HNRNPLL: variants seen among roughly 807,000 people sequenced by gnomAD.
The protein encoded by HNRNPLL is heterogeneous nuclear ribonucleoprotein L-like.
Under a neutral mutation model 67.1 loss-of-function variants are expected in HNRNPLL, and 25 were observed. The observed-to-expected ratio is 0.37, with a 90% CI of 0.27 to 0.52. The LOEUF (loss-of-function observed/expected upper bound fraction) is 0.52. Ranked by LOEUF, HNRNPLL falls within the 20% of genes least tolerant of loss-of-function variation. HNRNPLL has a pLI of 0.90. For synonymous variants in HNRNPLL, 267 were observed against 241.7 expected, an observed-to-expected ratio of 1.10 and a Z score of -0.97; for missense variants, 542 against 673.9, an observed-to-expected ratio of 0.80 and a Z score of 2.17.
At chr2:38,595,703 G>A (rs1667157820) in intron 1 of HNRNPLL, among the ~76,000 whole-genome samples, 5 of 152,150 alleles carry the variant, frequency 3.3e-5, no homozygotes, top group Admixed American at 3.3e-4. Context: ...AATTAGCCGG[G>A]CGTGGTGGCG....
At chr2:38,593,720 C>G in intron 1 of HNRNPLL, among the ~76,000 whole-genome samples, 1 of 152,090 alleles carries the variant, frequency 6.6e-6, no homozygotes. Context: ...AACTCCGTCT[C>G]TGGTGTGGTG....
At chr2:38,590,358 A>G (rs1351160004) in intron 2 of HNRNPLL, among the ~76,000 whole-genome samples, 1 of 152,228 alleles carries the variant, frequency 6.6e-6, no homozygotes, top group African/African-American at 2.4e-5. Flanking sequence ...ATGAATTTTT[A>G]TAAAATTGAA....
At chr2:38,577,562 C>A in intron 6 of HNRNPLL, 30 bp from the exon 7 acceptor site, 1 of 1,414,686 alleles carries the variant, frequency 7.1e-7, no homozygotes, top group South Asian at 1.1e-5. Flanking sequence ...ATGGTTTTAA[C>A]AATTTTGACC....
intron 1 of HNRNPLL, among the ~76,000 whole-genome samples, chr2:38,600,349 T>TA (rs1667377524): frequency 6.6e-6 from 1 of 152,162 alleles, no homozygotes; most frequent in African/African-American, 2.4e-5. Context: ...TAGCTTCGGT[T>TA]AAAAAAGGCA....
chr2:38,585,826 C>T lies in HNRNPLL; in HGVS notation c.364G>A (p.Asp122Asn). 1 of 1,613,978 alleles carries T rather than the reference C, an allele frequency of 6.2e-7. No individual in the cohort carries two copies. The highest frequency in any genetic ancestry group is 8.5e-7 in the Non-Finnish European group (1 of 1,179,908). Residue 122 changes from aspartate to asparagine, a missense_variant, in exon 3 of 13, where the codon GAT becomes AAT. Around this residue, in one of 2 missense-constraint regions of HNRNPLL, gnomAD observed 415 missense variants for 575.2 expected, o/e 0.72. Transcript: ENST00000449105. ...AATGTCACACATTCTTTGGCACTATCTATGTTTTCAAATTCCACTAGAGCC... is the reference window on the plus strand; with the variant it reads ...AATGTCACACATTCTTTGGCACTATTTATGTTTTCAAATTCCACTAGAGCC... ...RQALVEFENI[D>N]SAKECVTFAA...
chr2:38,570,084 T>C (rs1003779507), intron 8 of HNRNPLL, among the ~76,000 whole-genome samples, 159 bp from the exon 9 acceptor site: 7 of 152,198 alleles, frequency 4.6e-5, no homozygotes, highest in African/African-American at 1.7e-4. Context: ...TTAACTCTTA[T>C]CAAAGTTCAA....
chr2:38,599,797 G>A (rs1229283978), intron 1 of HNRNPLL: 2 of 445,030 alleles, frequency 4.5e-6, no homozygotes, highest in Non-Finnish European at 9.2e-6. Context: ...AGCACTCAAG[G>A]TTAATCATAA....
rs200356084 is a variant in HNRNPLL, at chr2:38,565,727, CAAAAAAAAAA to C, written c.1574-1500_1574-1491del. On this transcript the variant is annotated intron_variant, in intron 12 of 12. Transcript: ENST00000449105. ...CTAGGAGATGAGCAAGACCCTGTCT[CAAAAAAAAAA>C]AAAAAAAAAAAAAAAAAGGTGTTTC... 3.4e-4 allele frequency among the ~76,000 whole-genome samples: 25 copies of C among 73,282 alleles called. 1 individual carries two copies. Among genetic ancestry groups the C allele is most frequent in the Admixed American group, 1.4e-4 (1 of 7,100 alleles). The allele number at this position is 73,282 out of a possible 152,430, so 48.1% of individuals were successfully genotyped here. A position where few individuals can be genotyped will look rare whatever the true frequency, so the allele number is the denominator to read the frequency against.
chr2:38,602,736 T>C lies in HNRNPLL; in HGVS notation c.-110A>G, dbSNP rs2148399139. 1 of 1,490,798 alleles carries C rather than the reference T, an allele frequency of 6.7e-7. No individual in the cohort carries two copies. The highest frequency in any genetic ancestry group is 8.9e-7 in the Non-Finnish European group (1 of 1,119,694). 92.3% of individuals were successfully genotyped at this position (1,490,798 alleles called of 1,614,324 possible). A position where few individuals can be genotyped will look rare whatever the true frequency, so the allele number is the denominator to read the frequency against. On this transcript the variant is annotated 5_prime_UTR_variant, in exon 1 of 13. Coordinates refer to ENST00000449105, the MANE Select transcript of HNRNPLL (RefSeq NM_138394.4). ...GCCGGCAGCGCCTCTTCTGCGAGGG[T>C]CTCCGCGGCCCGGCCGTCCGCGGGG...
intron 8 of HNRNPLL, among the ~76,000 whole-genome samples, chr2:38,572,700 A>C (rs1314871754): frequency 6.6e-6 from 1 of 152,104 alleles, no homozygotes; most frequent in Non-Finnish European, 1.5e-5. Flanking sequence ...ACATTTTATC[A>C]AAGTGGGTCA....
At position 38,589,796 on chromosome 2, in the gene HNRNPLL, ATATT is replaced by A. The variant is rs137855449; in HGVS notation, c.308+1730_308+1733del. On this transcript the variant is annotated intron_variant, in intron 2 of 12. Transcript: ENST00000449105. ...TCACTGCTTCCCAAAGTTTCCATTT[ATATT>A]TGCTCATCAACTTGTTTTCTGACAT... Among the ~76,000 whole-genome samples, 995 of 152,334 alleles carry A rather than the reference ATATT, an allele frequency of 6.5e-3. 14 individuals are homozygous for A. Among genetic ancestry groups the A allele is most frequent in the African/African-American group, 0.023 (952 of 41,568 alleles).
rs554677013 is a variant in HNRNPLL, at chr2:38,602,060, T to C, written c.189+378A>G. 9.6e-4 allele frequency: 230 copies of C among 239,830 alleles called. 1 individual carries two copies. Among genetic ancestry groups the C allele is most frequent in the African/African-American group, 3.4e-3 (146 of 42,556 alleles). 14.9% of individuals were successfully genotyped at this position (239,830 alleles called of 1,614,324 possible). ...GCGCGGCTGCTGCGGGCAGAGGGAC[T>C]GAAGAGAACCGGTGGTCCCGACGCT... On this transcript the variant is annotated intron_variant, in intron 1 of 12. Transcript: ENST00000449105.
rs200327825 is a variant in HNRNPLL at position 38,602,858 on chromosome 2, G to C, written c.-232C>G. 3.2e-6 allele frequency: 5 copies of C among 1,549,200 alleles called. No individual in the cohort carries two copies. Among genetic ancestry groups the C allele is most frequent in the Non-Finnish European group, 4.4e-6 (5 of 1,146,306 alleles). On this transcript the variant is annotated 5_prime_UTR_variant, in exon 1 of 13. Coordinates refer to ENST00000449105, the MANE Select transcript of HNRNPLL (RefSeq NM_138394.4). ...GGAGCGGCCGCTCCTCTCAATTACC[G>C]AGCCAACATTCAGCCTCTCCCTCCT...
At chr2:38,597,116 A>G (rs1282627598) in intron 1 of HNRNPLL, among the ~76,000 whole-genome samples, 1 of 152,270 alleles carries the variant, frequency 6.6e-6, no homozygotes, top group Non-Finnish European at 1.5e-5. Context: ...ATTAAGGACT[A>G]AACTCTACTG....
At position 38,562,800 on chromosome 2, in the gene HNRNPLL, G is replaced by C. The variant is rs1358460398; in HGVS notation, c.*1382C>G. The C allele has an allele frequency of 1.3e-5, 2 of 152,038 alleles. No homozygotes were observed. The highest frequency in any genetic ancestry group is 2.4e-5 in the African/African-American group (1 of 41,434). The allele number at this position is 152,038 out of a possible 1,614,324, so 9.4% of individuals were successfully genotyped here. A position where few individuals can be genotyped will look rare whatever the true frequency, so the allele number is the denominator to read the frequency against. ...TGAGGGGAAATAAATGTTAATGTGT[G>C]TTTAGTTTCCATCTAAACTTCCTAT... On this transcript the variant is annotated 3_prime_UTR_variant, in exon 13 of 13. Coordinates refer to ENST00000449105, the MANE Select transcript of HNRNPLL (RefSeq NM_138394.4).
chr2:38,598,550 AAT>A (rs1289655499), intron 1 of HNRNPLL, among the ~76,000 whole-genome samples: 2 of 152,268 alleles, frequency 1.3e-5, no homozygotes, highest in African/African-American at 4.8e-5. Flanking sequence ...CAAAAAAAGC[AAT>A]ATATGATGTA....
rs576395866 is a variant in HNRNPLL, at chr2:38,579,389, CCCTAAA to C, written c.803-1863_803-1858del. Among the ~76,000 whole-genome samples, 72 of 151,370 alleles carry C rather than the reference CCCTAAA, an allele frequency of 4.8e-4. 4 individuals carry two copies. The East Asian group carries it at 0.014, about 29-fold the overall frequency. On this transcript the variant is annotated intron_variant, in intron 6 of 12. Coordinates refer to ENST00000449105, the MANE Select transcript of HNRNPLL (RefSeq NM_138394.4). ...CTAACCTGCACATTGTGCACATGTACCCTAAAACTTAAAGTATAATAATAATAAAAT... is the reference window on the plus strand; with the variant it reads ...CTAACCTGCACATTGTGCACATGTACACTTAAAGTATAATAATAATAAAAT...
chr2:38,566,145 G>T, intron 12 of HNRNPLL: 5 of 928,190 alleles, frequency 5.4e-6, no homozygotes, highest in Non-Finnish European at 6.4e-6. Context: ...GAGGTGGGCA[G>T]ATCATGAGGT....
chr2:38,569,308 G>A lies in HNRNPLL; in HGVS notation c.1241C>T (p.Pro414Leu). The change falls in exon 10 of 13, where the codon CCA becomes CTA. Residue 414 changes from proline to leucine, a missense_variant. Coordinates refer to ENST00000449105, the MANE Select transcript of HNRNPLL (RefSeq NM_138394.4). ...VCVSKQHSVV[P>L]SQIFELEDGT... The stretch of plus-strand genomic sequence containing the variant: ...ATCCTCCAGCTCAAATATTTGACTT[G>A]GAACAACTGAATGTTGTTTAGACAC... The A allele has an allele frequency of 6.2e-7, 1 of 1,612,202 alleles. No homozygotes were observed. Among genetic ancestry groups the A allele is most frequent in the South Asian group, 1.1e-5 (1 of 91,004 alleles).
Sources: allele counts gnomAD v4.1 joint callset (sites outside exome capture counted in the v4.1 genomes callset), GRCh38; gene constraint gnomAD v4.1.1; regional missense constraint gnomAD v4.1.1; transcripts MANE v1.5; gene names NCBI Gene and HGNC (gene_info 2026-07-23, HGNC 2026-07-21).